TMEM131L: variants seen among roughly 807,000 people sequenced by gnomAD.
TMEM131L encodes transmembrane protein 131-like.
A neutral mutation model predicts 192.2 loss-of-function variants in TMEM131L; 54 were observed. The ratio of observed to expected loss-of-function variants is 0.28; its 90% confidence interval spans 0.23 to 0.35. TMEM131L has a LOEUF of 0.35. TMEM131L is among the 10% of genes least tolerant of loss of function. The pLI is 1.00. For missense variants in TMEM131L, 1,888 were observed against 1,972.9 expected (o/e 0.96, Z 0.82); for synonymous variants, 701 against 704.9 (o/e 0.99, Z 0.09).
intron 7 of TMEM131L, among the ~76,000 whole-genome samples, chr4:153,565,371 A>G (rs985211471): frequency 2.0e-5 from 3 of 152,192 alleles, no homozygotes; most frequent in African/African-American, 2.4e-5. Context: ...CACCACATCA[A>G]CCAGTTTGAC....
At chr4:153,609,697 A>G (rs1199254226) in intron 25 of TMEM131L, among the ~76,000 whole-genome samples, 1 of 152,172 alleles carries the variant, frequency 6.6e-6, no homozygotes, top group Non-Finnish European at 1.5e-5. Flanking sequence ...TTAAATTTGG[A>G]TCCTTCCTAA....
intron 26 of TMEM131L, among the ~76,000 whole-genome samples, chr4:153,613,228 T>G (rs1226152544): frequency 6.6e-6 from 1 of 152,212 alleles, no homozygotes; most frequent in African/African-American, 2.4e-5. Flanking sequence ...AACACGCAGA[T>G]GGAAGAAGGC....
At chr4:153,564,685 G>C (rs770220577) in intron 7 of TMEM131L, among the ~76,000 whole-genome samples, 3 of 152,234 alleles carry the variant, frequency 2.0e-5, no homozygotes, top group East Asian at 1.9e-4. Context: ...CATTCTTCTT[G>C]TTGTTTGTCA....
intron 29 of TMEM131L, among the ~76,000 whole-genome samples, chr4:153,624,387 G>A (rs1025274116): frequency 1.3e-5 from 2 of 152,172 alleles, no homozygotes; most frequent in African/African-American, 2.4e-5. Context: ...CCAAAGTGCC[G>A]GGATTACAGG....
chr4:153,596,187 T>C, intron 19 of TMEM131L, 71 bp from the exon 20 acceptor site: 2 of 1,555,348 alleles, frequency 1.3e-6, no homozygotes, highest in Non-Finnish European at 1.8e-6. Flanking sequence ...GTTTAAACTC[T>C]AGGATGCACT....
chr4:153,535,448 T>G (rs1736246565), intron 3 of TMEM131L, among the ~76,000 whole-genome samples: 2 of 152,144 alleles, frequency 1.3e-5, no homozygotes, highest in African/African-American at 4.8e-5. Context: ...CATTTTAGAT[T>G]GCTTAGAAAA....
At chr4:153,521,335 C>T (rs550530380) in intron 3 of TMEM131L, among the ~76,000 whole-genome samples, 3 of 152,200 alleles carry the variant, frequency 2.0e-5, no homozygotes, top group South Asian at 4.2e-4. Flanking sequence ...CAGGCAGGAC[C>T]GTTTCAAATG....
rs1161166215 is a variant in TMEM131L, at chr4:153,555,748, A to T, written c.309-39A>T. On this transcript the variant is annotated intron_variant, in intron 4 of 34. Coordinates refer to ENST00000409959, the MANE Select transcript of TMEM131L (RefSeq NM_001131007.2). This position sits in a 1 kb window ranked among gnomAD's most constrained non-coding sequence, Gnocchi z 4.1. Reference sequence around the variant, plus strand: ...TATATGTATGGTAATATTTATAACCACACAATACATTGATTTTTCTCTTTG... The same window carrying T: ...TATATGTATGGTAATATTTATAACCTCACAATACATTGATTTTTCTCTTTG... The T allele has an allele frequency of 1.2e-5, 19 of 1,532,494 alleles. No individual in the cohort carries two copies. The highest frequency in any genetic ancestry group is 1.6e-5 in the Non-Finnish European group (18 of 1,130,502). The allele number at this position is 1,532,494 out of a possible 1,614,324, so 94.9% of individuals were successfully genotyped here. A position where few individuals can be genotyped will look rare whatever the true frequency, so the allele number is the denominator to read the frequency against.
chr4:153,589,988 A>G (rs1260606953), intron 16 of TMEM131L, among the ~76,000 whole-genome samples: 1 of 152,248 alleles, frequency 6.6e-6, no homozygotes, highest in African/African-American at 2.4e-5. Context: ...TCTTATGTAT[A>G]ACTATACTAC....
At chr4:153,595,901 T>C (rs1731400645) in intron 19 of TMEM131L, among the ~76,000 whole-genome samples, 1 of 152,222 alleles carries the variant, frequency 6.6e-6, no homozygotes, top group Non-Finnish European at 1.5e-5. Flanking sequence ...TCTTGTCAGA[T>C]TGCTCTAGCA....
At chr4:153,589,989 A>T (rs1730959341) in intron 16 of TMEM131L, among the ~76,000 whole-genome samples, 1 of 152,234 alleles carries the variant, frequency 6.6e-6, no homozygotes, top group African/African-American at 2.4e-5. Flanking sequence ...CTTATGTATA[A>T]CTATACTACC....
intron 29 of TMEM131L, among the ~76,000 whole-genome samples, chr4:153,625,376 G>A (rs1053896875): frequency 1.3e-5 from 2 of 152,086 alleles, no homozygotes; most frequent in Non-Finnish European, 2.9e-5. Context: ...GTGACAAAGC[G>A]AGACTCTGTC....
rs145005131 is a variant in TMEM131L, at chr4:153,485,677, G to T, written c.239+11789G>T. ...TTGAATTACAATCCAAACAGTGTTC[G>T]ATTGGTAGTTATGACAGGTGTATGT... On this transcript the variant is annotated intron_variant, in intron 3 of 34. Transcript: ENST00000409959. Among the ~76,000 whole-genome samples, 9 of 152,290 alleles carry T rather than the reference G, an allele frequency of 5.9e-5. No homozygotes were observed. The South Asian group carries it at 1.7e-3, about 28-fold the overall frequency.
intron 3 of TMEM131L, among the ~76,000 whole-genome samples, chr4:153,529,386 C>G (rs977268142): frequency 2.0e-5 from 3 of 152,192 alleles, no homozygotes; most frequent in African/African-American, 7.2e-5. Context: ...GTACCTGTTT[C>G]ATCTTCAGCA....
intron 3 of TMEM131L, among the ~76,000 whole-genome samples, chr4:153,479,422 G>A (rs1213682110): frequency 6.6e-6 from 1 of 152,162 alleles, no homozygotes; most frequent in Non-Finnish European, 1.5e-5. Context: ...ATTCAGTGAT[G>A]AGAGCAAAGG....
intron 25 of TMEM131L, 117 bp from the exon 26 acceptor site, chr4:153,612,133 CAA>C (rs777827858): frequency 1.4e-4 from 87 of 637,478 alleles, no homozygotes; most frequent in Non-Finnish European, 1.7e-4. Context: ...ATGTTAAAAA[CAA>C]TGCTAAATTT....
intron 3 of TMEM131L, among the ~76,000 whole-genome samples, chr4:153,506,279 C>G (rs1366974340): frequency 1.3e-5 from 2 of 152,206 alleles, no homozygotes; most frequent in East Asian, 1.9e-4. Context: ...AAAAAAAGAT[C>G]GTATGGTTTA....
chr4:153,587,445 G>A (rs1415461009), intron 14 of TMEM131L, among the ~76,000 whole-genome samples: 1 of 151,532 alleles, frequency 6.6e-6, no homozygotes, highest in Non-Finnish European at 1.5e-5. Flanking sequence ...AGGCTTCAGT[G>A]CAGCCATGTG....
chr4:153,544,394 C>G (rs1737016881), intron 3 of TMEM131L, among the ~76,000 whole-genome samples: 1 of 152,350 alleles, frequency 6.6e-6, no homozygotes, highest in South Asian at 2.1e-4. Flanking sequence ...AGCACGTCAC[C>G]TGGGGAAGTG....
Sources: gnomAD v4.1 joint callset for allele counts (sites outside exome capture counted in the v4.1 genomes callset) on GRCh38, gnomAD v4.1.1 for gene constraint, Gnocchi (gnomAD v3.1) non-coding constraint, MANE v1.5 for transcripts, NCBI Gene and HGNC (gene_info 2026-07-23, HGNC 2026-07-21) for gene names.